The following MVB12B variants were observed in gnomAD, a reference collection of about 807,000 sequenced individuals.
The protein encoded by MVB12B is ESCRT-I complex subunit MVB12B.
Under a neutral mutation model 41.6 loss-of-function variants are expected in MVB12B, and 16 were observed. The observed-to-expected ratio is 0.38, with a 90% confidence interval of 0.26 to 0.58. The LOEUF (loss-of-function observed/expected upper bound fraction) is 0.58. Ranked by LOEUF, MVB12B falls within the 20% of genes least tolerant of loss-of-function variation. MVB12B has a pLI of 0.62. For missense variants in MVB12B, 274 were observed against 380.2 expected, an observed-to-expected ratio of 0.72 and a Z score of 2.32; for synonymous variants, 133 against 139.7, an observed-to-expected ratio of 0.95 and a Z score of 0.34.
chr9:126,417,679 G>A (rs1831867587), intron 6 of MVB12B, among the ~76,000 whole-genome samples: 3 of 152,188 alleles, frequency 2.0e-5, no homozygotes, highest in Non-Finnish European at 2.9e-5. Flanking sequence ...AGAAAATGAA[G>A]TACAAAATTG....
At chr9:126,413,170 G>C (rs1831701409) in intron 6 of MVB12B, among the ~76,000 whole-genome samples, 1 of 152,152 alleles carries the variant, frequency 6.6e-6, no homozygotes, top group Non-Finnish European at 1.5e-5. Context: ...ATAATATTCT[G>C]AGTCAGACAT....
rs537572106 is a variant in MVB12B at position 126,364,454 on chromosome 9, G to C, written c.205-16610G>C. On this transcript the variant is annotated intron_variant, in intron 2 of 9. Coordinates refer to ENST00000361171, the MANE Select transcript of MVB12B (RefSeq NM_033446.3). The stretch of plus-strand genomic sequence containing the variant: ...CAGTCTGAGTTGGTTGGAGCCAGAG[G>C]AGGCTGCACTCCCCACTCCAGGGCA... Among the ~76,000 whole-genome samples the C allele has an allele frequency of 2.8e-4, 43 of 152,282 alleles. 1 individual carries two copies. In the South Asian group the frequency reaches 5.0e-3, roughly 18 times the overall value.
chr9:126,477,086 T>C (rs946104906), intron 7 of MVB12B, among the ~76,000 whole-genome samples: 5 of 152,124 alleles, frequency 3.3e-5, no homozygotes, highest in African/African-American at 1.2e-4. Flanking sequence ...GGCACTGGCA[T>C]CTGCTTCTCG....
At position 126,350,771 on chromosome 9, in the gene MVB12B, G is replaced by C. The variant is rs142020099; in HGVS notation, c.204+10141G>C. 2.6e-5 allele frequency among the ~76,000 whole-genome samples: 4 copies of C among 152,336 alleles called. No homozygotes were observed. The East Asian group carries it at 7.7e-4, about 29-fold the overall frequency. On this transcript the variant is annotated intron_variant, in intron 2 of 9. Transcript: ENST00000361171. The stretch of plus-strand genomic sequence containing the variant: ...CACCTCTCAATACTGCTACAATGGG[G>C]ATTAAGTATCCACAGGATTTTTTGA...
At chr9:126,497,343 C>T (rs1057044506) in intron 9 of MVB12B, among the ~76,000 whole-genome samples, 3 of 152,158 alleles carry the variant, frequency 2.0e-5, no homozygotes, top group African/African-American at 4.8e-5. Flanking sequence ...GTTAGGAAAA[C>T]AGAAGTAGCT....
rs547640927 is a variant in MVB12B at position 126,486,187 on chromosome 9, CTTT to C, written c.873+2160_873+2162del. On this transcript the variant is annotated intron_variant, in intron 9 of 9. Coordinates refer to ENST00000361171, the MANE Select transcript of MVB12B (RefSeq NM_033446.3). This position sits in a 1 kb window ranked among gnomAD's most constrained non-coding sequence, Gnocchi z 4.7. ...GATTGTCATATATAGATTTTTTTTT[CTTT>C]TTTTGATAACTCAGGGAAAAAATGG... 2.7e-3 allele frequency among the ~76,000 whole-genome samples: 406 copies of C among 151,000 alleles called. No individual in the cohort carries two copies. The highest frequency in any genetic ancestry group is 4.8e-3 in the Non-Finnish European group (322 of 67,716).
intron 4 of MVB12B, among the ~76,000 whole-genome samples, chr9:126,388,897 TCA>T (rs755549373): frequency 4.6e-5 from 7 of 152,280 alleles, no homozygotes; most frequent in Admixed American, 1.3e-4. Context: ...CCTGTGTTTT[TCA>T]CAGTTTTAAA....
At chr9:126,444,538 TG>T (rs1268091120) in intron 7 of MVB12B, among the ~76,000 whole-genome samples, 2 of 152,136 alleles carry the variant, frequency 1.3e-5, no homozygotes, top group African/African-American at 4.8e-5. Flanking sequence ...GTCTTAATTT[TG>T]TTTGTGGAGT....
intron 2 of MVB12B, among the ~76,000 whole-genome samples, chr9:126,370,539 G>A (rs1830308015): frequency 6.6e-6 from 1 of 151,816 alleles, no homozygotes; most frequent in Non-Finnish European, 1.5e-5. Context: ...CCACCACCAT[G>A]CCCAGCTAAT....
intron 6 of MVB12B, among the ~76,000 whole-genome samples, chr9:126,404,156 T>C (rs927824273): frequency 6.6e-6 from 1 of 152,072 alleles, no homozygotes; most frequent in African/African-American, 2.4e-5. Flanking sequence ...GGTTTCACCA[T>C]ATTGGCCAGG....
At chr9:126,449,309 G>T (rs1395365132) in intron 7 of MVB12B, among the ~76,000 whole-genome samples, 4 of 152,160 alleles carry the variant, frequency 2.6e-5, no homozygotes, top group African/African-American at 9.7e-5. Context: ...TGTTGAGAAG[G>T]CTCGGTGGCC....
chr9:126,380,541 G>C (rs1830604225), intron 2 of MVB12B, among the ~76,000 whole-genome samples: 1 of 152,200 alleles, frequency 6.6e-6, no homozygotes, highest in Non-Finnish European at 1.5e-5. Context: ...TGTACCAAGA[G>C]GACGCAGGGT....
At chr9:126,407,578 G>A (rs1831481138) in intron 6 of MVB12B, among the ~76,000 whole-genome samples, 1 of 152,054 alleles carries the variant, frequency 6.6e-6, no homozygotes, top group South Asian at 2.1e-4. Context: ...TGGCCTTGTT[G>A]GTGGCAAGCA....
chr9:126,336,510 G>C lies in MVB12B; in HGVS notation c.82-3998G>C, dbSNP rs79510348. Among the ~76,000 whole-genome samples, 5 of 152,312 alleles carry C rather than the reference G, an allele frequency of 3.3e-5. No homozygotes were observed. In the East Asian group the frequency reaches 9.7e-4, roughly 29 times the overall value. ...AAAGTTCATTTCTCCGTGAACCCGG[G>C]ATGACAACCTTGGCTAGGTGCTGCA... On this transcript the variant is annotated intron_variant, in intron 1 of 9. Coordinates refer to ENST00000361171, the MANE Select transcript of MVB12B (RefSeq NM_033446.3).
intron 6 of MVB12B, among the ~76,000 whole-genome samples, chr9:126,409,850 A>T (rs533491616): frequency 1.3e-5 from 2 of 152,216 alleles, no homozygotes; most frequent in Non-Finnish European, 2.9e-5. Flanking sequence ...TTAAATATTC[A>T]AATTAGGAAT....
chr9:126,365,653 C>G (rs966338864), intron 2 of MVB12B, among the ~76,000 whole-genome samples: 1 of 152,160 alleles, frequency 6.6e-6, no homozygotes, highest in African/African-American at 2.4e-5. Context: ...CAGAATCTTT[C>G]AGACCATGCA....
intron 2 of MVB12B, among the ~76,000 whole-genome samples, chr9:126,375,985 T>C (rs572962981): frequency 6.6e-6 from 1 of 152,332 alleles, no homozygotes; most frequent in South Asian, 2.1e-4. Context: ...TCATCCACTT[T>C]TGTGGAAACA....
At chr9:126,394,094 CTG>C (rs1393972640) in intron 5 of MVB12B, among the ~76,000 whole-genome samples, 1 of 152,228 alleles carries the variant, frequency 6.6e-6, no homozygotes, top group Non-Finnish European at 1.5e-5. Context: ...AAGAAGGACT[CTG>C]TGATCATTCC....
At chr9:126,416,648 C>T (rs190061430) in intron 6 of MVB12B, among the ~76,000 whole-genome samples, 3 of 152,284 alleles carry the variant, frequency 2.0e-5, no homozygotes, top group Admixed American at 6.5e-5. Flanking sequence ...TAACCACCTC[C>T]GGAGGACACA....
Sources: gnomAD v4.1 joint callset for allele counts (sites outside exome capture counted in the v4.1 genomes callset) on GRCh38, gnomAD v4.1.1 for gene constraint, Gnocchi (gnomAD v3.1) non-coding constraint, MANE v1.5 for transcripts, NCBI Gene and HGNC (gene_info 2026-07-23, HGNC 2026-07-21) for gene names.